The following ANK2 variants were observed in gnomAD, a reference collection of about 807,000 sequenced individuals.
ANK2 encodes the protein ankyrin 2, also known as ankyrin-2.
In ANK2, 83 loss-of-function variants were observed where a neutral mutation model predicts 360.5. The observed-to-expected ratio is 0.23, with a 90% CI of 0.19 to 0.28. The LOEUF (loss-of-function observed/expected upper bound fraction) is 0.28, where lower values mean the gene tolerates loss of function less well. Ranked by LOEUF, ANK2 falls within the 10% of genes least tolerant of loss-of-function variation. ANK2 has a pLI of 1.00. For synonymous variants in ANK2, 1,740 were observed against 1,759.5 expected (o/e 0.99, Z 0.28); for missense variants, 4,201 against 4,795.7 (o/e 0.88, Z 3.66).
chr4:112,771,015 G>A, the ANK2 span, among the ~76,000 whole-genome samples: 2 of 152,172 alleles, frequency 1.3e-5, no homozygotes, highest in Admixed American at 6.5e-5. Flanking sequence ...GCACTGTGGG[G>A]CAGAAAAAAA....
chr4:112,997,443 T>C (rs940967822), intron 2 of ANK2, among the ~76,000 whole-genome samples: 6 of 152,116 alleles, frequency 3.9e-5, no homozygotes, highest in African/African-American at 1.4e-4. Context: ...TGATATGCAA[T>C]ATGCTTAACA....
At chr4:112,986,445 TTTTG>T (rs377703584) in intron 2 of ANK2, among the ~76,000 whole-genome samples, 13 of 152,132 alleles carry the variant, frequency 8.5e-5, no homozygotes, top group Middle Eastern at 3.4e-3. Flanking sequence ...AGCAGAGGGT[TTTTG>T]TTTGTTTGTT....
chr4:112,803,370 C>T, the ANK2 span, among the ~76,000 whole-genome samples: 1 of 151,938 alleles, frequency 6.6e-6, no homozygotes, highest in Non-Finnish European at 1.5e-5. Flanking sequence ...TAGGCAAGTG[C>T]CTTTATAGGA....
chr4:112,814,995 CTAA>C (rs1451931048), upstream of ANK2, among the ~76,000 whole-genome samples: 1 of 142,568 alleles, frequency 7.0e-6, no homozygotes, highest in Non-Finnish European at 1.5e-5. Flanking sequence ...TTCCAAGAAA[CTAA>C]ATACAAAAAG....
At chr4:112,736,464 CAAAAAAAA>C in the ANK2 span, among the ~76,000 whole-genome samples, 1 of 127,580 alleles carries the variant, frequency 7.8e-6, no homozygotes, top group Non-Finnish European at 1.7e-5. Context: ...GACTCCGTCT[CAAAAAAAA>C]AAAAAAAAAT....
chr4:113,188,074 G>A (rs557988686), intron 2 of ANK2, among the ~76,000 whole-genome samples: 1 of 152,210 alleles, frequency 6.6e-6, no homozygotes, highest in Admixed American at 6.5e-5. Flanking sequence ...TGATACATAT[G>A]AAAATCAATT....
At chr4:113,240,705 G>A in intron 8 of ANK2, 122 bp downstream of exon 8, 1 of 809,966 alleles carries the variant, frequency 1.2e-6, no homozygotes, top group Non-Finnish European at 2.0e-6. Flanking sequence ...GGTCTGTGCT[G>A]GAGATACTAG....
intron 23 of ANK2, among the ~76,000 whole-genome samples, chr4:113,306,555 T>G (rs1025779902): frequency 6.6e-6 from 1 of 152,208 alleles, no homozygotes; most frequent in African/African-American, 2.4e-5. Context: ...AGAAAAAGTT[T>G]ATTGAGAAGA....
intron 2 of ANK2, among the ~76,000 whole-genome samples, 156 bp downstream of exon 2, chr4:113,174,673 G>T (rs991278014): frequency 1.3e-5 from 2 of 152,184 alleles, no homozygotes; most frequent in African/African-American, 4.8e-5. Flanking sequence ...AACTTTTCAA[G>T]TATCAGATGT....
chr4:112,950,655 A>G (rs1214072838), intron 2 of ANK2, among the ~76,000 whole-genome samples: 1 of 151,596 alleles, frequency 6.6e-6, no homozygotes, highest in Non-Finnish European at 1.5e-5. Flanking sequence ...AAAAGAAAAA[A>G]AAAAAAAAGA....
the ANK2 span, among the ~76,000 whole-genome samples, chr4:112,792,771 A>G: frequency 6.6e-6 from 1 of 152,182 alleles, no homozygotes; most frequent in Non-Finnish European, 1.5e-5. Context: ...AGTTACTTCT[A>G]TTTTAGAAAC....
the ANK2 span, among the ~76,000 whole-genome samples, chr4:112,749,234 T>C: frequency 6.6e-6 from 1 of 152,226 alleles, no homozygotes; most frequent in African/African-American, 2.4e-5. Flanking sequence ...TGATCAAGCA[T>C]GCATCCTTCT....
chr4:112,738,978 A>G, the ANK2 span: 7 of 699,864 alleles, frequency 1.0e-5, no homozygotes, highest in Non-Finnish European at 1.3e-5. Context: ...CTGATGTGCA[A>G]CAAATCTTAC....
chr4:112,958,060 C>G (rs2031741285), intron 2 of ANK2, among the ~76,000 whole-genome samples: 1 of 151,788 alleles, frequency 6.6e-6, no homozygotes, highest in African/African-American at 2.4e-5. Flanking sequence ...AGGCGCTCCT[C>G]ACTTCCTAGA....
At chr4:113,286,141 G>A (rs1375484008) in intron 18 of ANK2, among the ~76,000 whole-genome samples, 1 of 152,200 alleles carries the variant, frequency 6.6e-6, no homozygotes, top group African/African-American at 2.4e-5. Context: ...TTCATGTGAT[G>A]ATCACTTCAA....
chr4:113,155,780 CT>C (rs1304353116), intron 1 of ANK2, among the ~76,000 whole-genome samples: 36 of 152,004 alleles, frequency 2.4e-4, no homozygotes, highest in African/African-American at 8.7e-4. Flanking sequence ...TTAAAAAATA[CT>C]TTTGAAACTC....
At chr4:113,197,636 T>C (rs1475589006) in intron 3 of ANK2, among the ~76,000 whole-genome samples, 1 of 152,176 alleles carries the variant, frequency 6.6e-6, no homozygotes, top group Non-Finnish European at 1.5e-5. Flanking sequence ...AACGTGGATT[T>C]CCAATGCCTC....
the ANK2 span, among the ~76,000 whole-genome samples, chr4:112,752,216 T>A: frequency 6.6e-6 from 1 of 152,226 alleles, no homozygotes; most frequent in African/African-American, 2.4e-5. Flanking sequence ...CACTCTCTGC[T>A]CTTTACCATT....
chr4:112,845,086 C>T (rs1227286716), intron 1 of ANK2, among the ~76,000 whole-genome samples: 1 of 152,150 alleles, frequency 6.6e-6, no homozygotes, highest in Non-Finnish European at 1.5e-5. Flanking sequence ...AAGGAGTAGA[C>T]ATTGGTTCAT....
Sources: gnomAD v4.1 joint callset for allele counts (sites outside exome capture counted in the v4.1 genomes callset) on GRCh38, gnomAD v4.1.1 for gene constraint, MANE v1.5 for transcripts, NCBI Gene and HGNC (gene_info 2026-07-23, HGNC 2026-07-21) for gene names.